DCT: variants seen among roughly 807,000 people sequenced by gnomAD.
The protein encoded by DCT is L-dopachrome tautomerase.
Under a neutral mutation model 53.0 loss-of-function variants are expected in DCT, and 47 were observed. That is an observed-to-expected ratio of 0.89 (90% confidence interval 0.70 to 1.13). The LOEUF is 1.13. Ranked by LOEUF, DCT falls within the 50% of genes most tolerant of loss-of-function variation. DCT has a pLI of 0.00. For synonymous variants in DCT, 244 were observed against 237.0 expected, an observed-to-expected ratio of 1.03 and a Z score of -0.27; for missense variants, 669 against 637.4, an observed-to-expected ratio of 1.05 and a Z score of -0.53.
rs193180271 is a variant in DCT at position 94,466,959 on chromosome 13, A to C, written c.596-301T>G. On this transcript the variant is annotated intron_variant, in intron 2 of 7. Transcript: ENST00000377028. ...CCTGATACATATTTAATTTGTAAGCAACAATCCATTCAGGTGAAATAGACT... is the reference window on the plus strand; with the variant it reads ...CCTGATACATATTTAATTTGTAAGCCACAATCCATTCAGGTGAAATAGACT... 751 of 188,918 alleles carry C rather than the reference A, an allele frequency of 4.0e-3. 7 individuals are homozygous for C. The highest frequency in any genetic ancestry group is 6.2e-3 in the Non-Finnish European group (576 of 92,172). 11.7% of individuals were successfully genotyped at this position (188,918 alleles called of 1,614,324 possible). A position where few individuals can be genotyped will look rare whatever the true frequency, so the allele number is the denominator to read the frequency against.
chr13:94,481,007 C>T (rs1473851988), upstream of DCT, among the ~76,000 whole-genome samples: 1 of 152,198 alleles, frequency 6.6e-6, no homozygotes, highest in African/African-American at 2.4e-5. Flanking sequence ...CGGCTGCACT[C>T]TCCCTGGAGA....
chr13:94,437,474 G>T lies in DCT; in HGVS notation c.*2424C>A, dbSNP rs1184597198. ...AAGGGAATTTAATGCACAAAGGAAA[G>T]ATGTTATTGCATTTTATCCCATTTC... On this transcript the variant is annotated 3_prime_UTR_variant, in exon 8 of 8. Coordinates refer to ENST00000377028, the MANE Select transcript of DCT (RefSeq NM_001922.5). 1.3e-5 allele frequency: 2 copies of T among 152,168 alleles called. No homozygotes were observed. The highest frequency in any genetic ancestry group is 2.9e-5 in the Non-Finnish European group (2 of 68,006). The allele number at this position is 152,168 out of a possible 1,614,324, so 9.4% of individuals were successfully genotyped here.
chr13:94,441,766 C>A (rs533425946), intron 7 of DCT, among the ~76,000 whole-genome samples: 1 of 152,318 alleles, frequency 6.6e-6, no homozygotes, highest in East Asian at 1.9e-4. Context: ...ACTTGGTTTG[C>A]ATCTACCTTT....
intron 5 of DCT, 61 bp downstream of exon 5, chr13:94,461,949 C>G: frequency 1.4e-6 from 2 of 1,449,412 alleles, no homozygotes; most frequent in Non-Finnish European, 1.9e-6. Flanking sequence ...CAGTTCTTTA[C>G]AATCACAGGC....
chr13:94,452,728 G>A, intron 6 of DCT: 1 of 654,806 alleles, frequency 1.5e-6, no homozygotes, highest in East Asian at 2.8e-5. Flanking sequence ...TACATTTCAG[G>A]ATAAATCCAT....
the DCT span, among the ~76,000 whole-genome samples, chr13:94,515,196 C>T: frequency 1.3e-5 from 2 of 152,340 alleles, no homozygotes; most frequent in East Asian, 1.9e-4. Context: ...AAATAAATGT[C>T]TGTTGTTTAT....
At chr13:94,491,981 T>C in the DCT span, among the ~76,000 whole-genome samples, 6 of 152,314 alleles carry the variant, frequency 3.9e-5, no homozygotes, top group African/African-American at 1.4e-4. Flanking sequence ...AATAACTCAT[T>C]CATGACCATG....
chr13:94,445,558 A>G (rs1168703156), intron 6 of DCT: 2 of 613,876 alleles, frequency 3.3e-6, no homozygotes, highest in Non-Finnish European at 5.8e-6. Context: ...AGAACTGCCT[A>G]GTCAAGCCCT....
the DCT span, among the ~76,000 whole-genome samples, chr13:94,498,231 A>T: frequency 6.6e-6 from 1 of 152,260 alleles, no homozygotes; most frequent in African/African-American, 2.4e-5. Flanking sequence ...AAACAGGTAG[A>T]CCAAGCATAA....
intron 1 of DCT, among the ~76,000 whole-genome samples, chr13:94,476,326 A>G (rs1885083784): frequency 6.6e-6 from 1 of 151,692 alleles, no homozygotes; most frequent in African/African-American, 2.4e-5. Flanking sequence ...TACCTAAAAC[A>G]AAACAAAACT....
chr13:94,517,670 G>T, the DCT span, among the ~76,000 whole-genome samples: 2 of 152,022 alleles, frequency 1.3e-5, no homozygotes, highest in Admixed American at 6.6e-5. Context: ...ATCCCAGTGG[G>T]CCCTAGATCA....
At chr13:94,509,731 C>T in the DCT span, among the ~76,000 whole-genome samples, 1 of 152,130 alleles carries the variant, frequency 6.6e-6, no homozygotes, top group African/African-American at 2.4e-5. Flanking sequence ...CATAATAGCA[C>T]CCATCTTCTA....
At chr13:94,468,689 C>T (rs1428244098) in intron 2 of DCT, 57 bp downstream of exon 2, 1 of 1,486,328 alleles carries the variant, frequency 6.7e-7, no homozygotes, top group Non-Finnish European at 9.3e-7. Context: ...CACTGCCATA[C>T]CCTCAACCCA....
At chr13:94,538,257 A>G in the DCT span, among the ~76,000 whole-genome samples, 2 of 152,192 alleles carry the variant, frequency 1.3e-5, no homozygotes, top group Non-Finnish European at 2.9e-5. Context: ...CTCTTCATGG[A>G]TTATCTTATT....
chr13:94,457,845 C>G (rs1883510095), intron 6 of DCT, among the ~76,000 whole-genome samples: 1 of 152,152 alleles, frequency 6.6e-6, no homozygotes, highest in Non-Finnish European at 1.5e-5. Context: ...TTGTCTAAAT[C>G]TCTTATGACA....
the DCT span, among the ~76,000 whole-genome samples, chr13:94,493,073 C>T: frequency 4.6e-5 from 7 of 152,264 alleles, no homozygotes; most frequent in African/African-American, 1.7e-4. Context: ...AAATGCTTCA[C>T]ATCTGTGCTC....
the DCT span, among the ~76,000 whole-genome samples, chr13:94,525,598 T>G: frequency 6.6e-6 from 1 of 152,208 alleles, no homozygotes; most frequent in Non-Finnish European, 1.5e-5. Context: ...CTCCCTTTGC[T>G]TTTGCAGGAG....
intron 6 of DCT, among the ~76,000 whole-genome samples, chr13:94,445,437 C>T (rs1882652302): frequency 1.3e-5 from 2 of 152,154 alleles, no homozygotes; most frequent in African/African-American, 4.8e-5. Context: ...ATAGAGTGAC[C>T]ATGATGGCGA....
the DCT span, among the ~76,000 whole-genome samples, chr13:94,528,847 A>T: frequency 6.6e-6 from 1 of 152,240 alleles, no homozygotes; most frequent in Non-Finnish European, 1.5e-5. Flanking sequence ...CAGACTGGCA[A>T]ATTGGATAAA....
Sources: gnomAD v4.1 joint callset for allele counts (sites outside exome capture counted in the v4.1 genomes callset) on GRCh38, gnomAD v4.1.1 for gene constraint, MANE v1.5 for transcripts, NCBI Gene and HGNC (gene_info 2026-07-23, HGNC 2026-07-21) for gene names.